ACOXL: variants seen among roughly 807,000 people sequenced by gnomAD.
ACOXL encodes acyl-CoA oxidase like.
Under a neutral mutation model 71.9 loss-of-function variants are expected in ACOXL, and 70 were observed. The ratio of observed to expected loss-of-function variants is 0.97; its 90% confidence interval spans 0.80 to 1.19. ACOXL has a LOEUF of 1.19. Among genes scored for constraint, ACOXL ranks in the 50% most tolerant of loss-of-function variants. The probability of loss-of-function intolerance (pLI) is 0.00; values close to 1 mark genes in which losing one functional copy is unlikely to be tolerated. For missense variants in ACOXL, 703 were observed against 736.3 expected, an observed-to-expected ratio of 0.95 and a Z score of 0.52; for synonymous variants, 253 against 281.6, an observed-to-expected ratio of 0.90 and a Z score of 1.02.
chr2:110,764,648 T>G (rs1680815364), intron 1 of ACOXL, among the ~76,000 whole-genome samples: 1 of 152,148 alleles, frequency 6.6e-6, no homozygotes, highest in African/African-American at 2.4e-5. Flanking sequence ...AACTGTGAAT[T>G]TGGGTGATAA....
intron 9 of ACOXL, among the ~76,000 whole-genome samples, chr2:110,811,785 A>ACACACACACACACG (rs1225876415): frequency 4.9e-4 from 73 of 149,070 alleles, no homozygotes; most frequent in Non-Finnish European, 8.9e-4. Flanking sequence ...ACACACACAC[A>ACACACACACACACG]CGCGGGGAGG....
chr2:111,104,245 A>T (rs1175856838), intron 17 of ACOXL, among the ~76,000 whole-genome samples: 2 of 152,336 alleles, frequency 1.3e-5, no homozygotes, highest in Admixed American at 6.5e-5. Flanking sequence ...GGATATGTGG[A>T]TTGTTTTCAG....
chr2:111,109,671 ATTTTTTTT>A (rs869081161), intron 17 of ACOXL, among the ~76,000 whole-genome samples: 1 of 75,642 alleles, frequency 1.3e-5, no homozygotes, highest in Non-Finnish European at 2.4e-5. Flanking sequence ...TTCTCCTTCT[ATTTTTTTT>A]TTTTTTTTTT....
chr2:110,963,239 G>T (rs181096402), intron 12 of ACOXL, among the ~76,000 whole-genome samples: 1 of 152,146 alleles, frequency 6.6e-6, no homozygotes, highest in Non-Finnish European at 1.5e-5. Flanking sequence ...TGCTGGGGGT[G>T]GGGGAGGCAT....
chr2:110,882,018 C>T (rs1018476151), intron 10 of ACOXL, among the ~76,000 whole-genome samples: 7 of 152,042 alleles, frequency 4.6e-5, no homozygotes, highest in African/African-American at 1.4e-4. Context: ...ATCATGTAGT[C>T]GGTGTATGTT....
At chr2:110,927,517 C>G (rs1471451701) in intron 11 of ACOXL, among the ~76,000 whole-genome samples, 8 of 152,160 alleles carry the variant, frequency 5.3e-5, no homozygotes, top group Non-Finnish European at 1.2e-4. Flanking sequence ...CTTCCCTCAC[C>G]TGATAATTTA....
intron 14 of ACOXL, among the ~76,000 whole-genome samples, chr2:111,011,531 A>G (rs1007751185): frequency 2.6e-5 from 4 of 152,234 alleles, no homozygotes; most frequent in African/African-American, 9.6e-5. Flanking sequence ...ATAGCATGCA[A>G]TTACTGAGCA....
chr2:110,790,755 G>C (rs1335037025), intron 3 of ACOXL, among the ~76,000 whole-genome samples: 1 of 152,048 alleles, frequency 6.6e-6, no homozygotes, highest in Non-Finnish European at 1.5e-5. Context: ...CACGTGATCG[G>C]TTGATGCCTA....
chr2:110,772,742 C>T (rs749194777), intron 2 of ACOXL, among the ~76,000 whole-genome samples: 39 of 152,160 alleles, frequency 2.6e-4, no homozygotes, highest in Non-Finnish European at 4.7e-4. Context: ...AAGTAAGGCC[C>T]GAGGACCCGT....
chr2:111,071,559 A>C (rs924574292), intron 16 of ACOXL, among the ~76,000 whole-genome samples: 4 of 152,232 alleles, frequency 2.6e-5, no homozygotes, highest in Non-Finnish European at 5.9e-5. Flanking sequence ...AAGTGGCTAA[A>C]GTCTGAGGCA....
intron 11 of ACOXL, among the ~76,000 whole-genome samples, chr2:110,931,739 C>T (rs2060486154): frequency 6.6e-6 from 1 of 152,138 alleles, no homozygotes; most frequent in Admixed American, 6.6e-5. Flanking sequence ...TACATATACA[C>T]TAGAATGACT....
At chr2:110,903,106 A>G (rs2059304928) in intron 10 of ACOXL, among the ~76,000 whole-genome samples, 1 of 152,214 alleles carries the variant, frequency 6.6e-6, no homozygotes, top group South Asian at 2.1e-4. Context: ...CTTAGCCCCA[A>G]AGCTCCTCTC....
rs113241463 is a variant in ACOXL, at chr2:110,938,707, AAATGAATG to A, written c.1059+5080_1059+5087del. On this transcript the variant is annotated intron_variant, in intron 12 of 17. Coordinates refer to ENST00000439055, the MANE Select transcript of ACOXL (RefSeq NM_001142807.4). ...TGAATGAATGAATGAATGAACGAATAAATGAATGAATGAATGAATGAAAGAATGTCCTG... is the reference window on the plus strand; with the variant it reads ...TGAATGAATGAATGAATGAACGAATAAATGAATGAATGAAAGAATGTCCTG... Among the ~76,000 whole-genome samples, 1,467 of 149,132 alleles carry A rather than the reference AAATGAATG, an allele frequency of 9.8e-3. 12 individuals carry two copies. Among genetic ancestry groups the A allele is most frequent in the Admixed American group, 0.016 (230 of 14,070 alleles).
At chr2:110,937,622 A>G (rs1359537738) in intron 12 of ACOXL, among the ~76,000 whole-genome samples, 1 of 152,194 alleles carries the variant, frequency 6.6e-6, no homozygotes, top group Non-Finnish European at 1.5e-5. Context: ...ATATGCATAC[A>G]TGCTGCATCT....
At chr2:110,806,358 G>A (rs1297882327) in intron 9 of ACOXL, among the ~76,000 whole-genome samples, 1 of 152,222 alleles carries the variant, frequency 6.6e-6, no homozygotes, top group Non-Finnish European at 1.5e-5. Flanking sequence ...AGTGGGGCCG[G>A]GTGGGTGTTC....
chr2:110,905,917 C>A (rs985710061), intron 10 of ACOXL, among the ~76,000 whole-genome samples: 1 of 152,190 alleles, frequency 6.6e-6, no homozygotes, highest in Non-Finnish European at 1.5e-5. Flanking sequence ...ACTGCGAGGC[C>A]TGCCACATGG....
chr2:110,954,738 A>G (rs1263632735), intron 12 of ACOXL, among the ~76,000 whole-genome samples: 1 of 151,996 alleles, frequency 6.6e-6, no homozygotes. Context: ...CCTTTTACCA[A>G]TTTCTTTGCT....
intron 10 of ACOXL, chr2:110,886,695 A>G: frequency 6.6e-7 from 1 of 1,520,748 alleles, no homozygotes; most frequent in Admixed American, 2.0e-5. Flanking sequence ...TATCCTTCTG[A>G]ATGCCAAGTT....
chr2:110,805,677 G>C (rs1469008564), intron 9 of ACOXL, among the ~76,000 whole-genome samples: 5 of 152,258 alleles, frequency 3.3e-5, no homozygotes, highest in South Asian at 2.1e-4. Flanking sequence ...TGACCAGGGA[G>C]AACGGGATGT....
Sources: gnomAD v4.1 joint callset for allele counts (sites outside exome capture counted in the v4.1 genomes callset) on GRCh38, gnomAD v4.1.1 for gene constraint, MANE v1.5 for transcripts, NCBI Gene and HGNC (gene_info 2026-07-23, HGNC 2026-07-21) for gene names.